Variants in WDR17 observed in about 807,000 individuals in gnomAD.
WDR17 encodes the protein WD repeat domain 17, also known as WD repeat-containing protein 17.
Under a neutral mutation model 161.7 loss-of-function variants are expected in WDR17, and 143 were observed. The observed-to-expected ratio is 0.88, with a 90% CI of 0.77 to 1.02. The LOEUF is 1.02. WDR17 is among the 50% of genes least tolerant of loss of function. WDR17 has a pLI of 0.00. For missense variants in WDR17, 1,469 were observed against 1,520.9 expected (o/e 0.97, Z 0.57); for synonymous variants, 517 against 515.6 (o/e 1.00, Z -0.04).
In WDR17 at chr4:176,142,048, G is replaced by T; in HGVS notation, c.1508G>T (p.Cys503Phe). 7 of 1,610,686 alleles carry T rather than the reference G, an allele frequency of 4.3e-6. No homozygotes were observed. Among genetic ancestry groups the T allele is most frequent in the Non-Finnish European group, 5.9e-6 (7 of 1,178,212 alleles). ...KYKHPAAVFGCDWSQNNKDMI... is the reference protein window; with the variant it reads ...KYKHPAAVFGFDWSQNNKDMI... ...AAACATCCAGCTGCAGTGTTTGGTT[G>T]TGATTGGAGCCAAAACAATAAGTAA... The change falls in exon 11 of 29, where the codon TGT becomes TTT. Residue 503 changes from cysteine to phenylalanine, a missense_variant. Cys to Phe is a radical substitution (Grantham distance 205, BLOSUM62 -2). Transcript: ENST00000508596.
intron 7 of WDR17, 51 bp downstream of exon 7, chr4:176,131,789 C>A: frequency 2.3e-6 from 3 of 1,319,640 alleles, no homozygotes; most frequent in Non-Finnish European, 3.0e-6. Flanking sequence ...TTGTGTAAAC[C>A]CATGATCTTT....
chr4:176,078,935 A>G (rs1734400474), intron 1 of WDR17, among the ~76,000 whole-genome samples: 1 of 152,050 alleles, frequency 6.6e-6, no homozygotes, highest in African/African-American at 2.4e-5. Flanking sequence ...ATCGTTAACT[A>G]TAGTCTTCCT....
intron 3 of WDR17, among the ~76,000 whole-genome samples, chr4:176,118,730 G>A (rs1741051257): frequency 6.6e-6 from 1 of 151,820 alleles, no homozygotes; most frequent in Non-Finnish European, 1.5e-5. Flanking sequence ...AAACCTTTCT[G>A]CATATCAAAA....
Position 176,156,124 on chromosome 4 carries a change from T to C in WDR17, c.2506T>C (p.Trp836Arg). The C allele has an allele frequency of 6.2e-7, 1 of 1,613,636 alleles. No individual in the cohort carries two copies. Among genetic ancestry groups the C allele is most frequent in the Non-Finnish European group, 8.5e-7 (1 of 1,179,738 alleles). The change falls in exon 18 of 29, where the codon TGG becomes CGG. Residue 836 changes from tryptophan to arginine, a missense_variant. Physicochemically the swap from Trp to Arg is moderately radical, Grantham distance 101. Coordinates refer to ENST00000508596, the MANE Select transcript of WDR17 (RefSeq NM_181265.4). Reference sequence around the variant, plus strand: ...TGCACCAGGAGTCTCTGTGAAATACTGGAAGAAGTTAATGCAGAGGTAAGG... The same window carrying C: ...TGCACCAGGAGTCTCTGTGAAATACCGGAAGAAGTTAATGCAGAGGTAAGG... The part of the protein sequence containing the change: ...SIAPGVSVKY[W>R]KKLMQRRADQ...
At chr4:176,138,401 G>A (rs1744740517) in intron 9 of WDR17, among the ~76,000 whole-genome samples, 1 of 151,704 alleles carries the variant, frequency 6.6e-6, no homozygotes, top group Admixed American at 6.6e-5. Context: ...TTGTAGTAGC[G>A]TAGCAAATGC....
intron 20 of WDR17, 52 bp downstream of exon 20, chr4:176,161,054 T>C (rs1272239528): frequency 6.7e-7 from 1 of 1,493,738 alleles, no homozygotes; most frequent in Non-Finnish European, 9.1e-7. Context: ...GTCTTCCCTT[T>C]AGGAATTTTT....
intron 18 of WDR17, among the ~76,000 whole-genome samples, chr4:176,157,571 C>T (rs1370600882): frequency 2.8e-5 from 4 of 144,558 alleles, no homozygotes; most frequent in Admixed American, 1.4e-4. Flanking sequence ...TTGCTCTCAC[C>T]GAATCCTTAA....
rs1469747969 is a variant in WDR17, at chr4:176,125,192, A to G, written c.627A>G (p.Pro209=). 6.2e-6 allele frequency: 10 copies of G among 1,614,084 alleles called. No individual in the cohort carries two copies. The highest frequency in any genetic ancestry group is 1.7e-5 in the Admixed American group (1 of 60,000). Residue 209 remains proline (P), a synonymous_variant, in exon 5 of 29, where the codon CCA becomes CCG. Coordinates refer to ENST00000508596, the MANE Select transcript of WDR17 (RefSeq NM_181265.4). ...CAGTTACGGCCTTGGAATGGGACCC[A>G]CTATCTACTGATTATCTTCTAGTGG... ...EDPVTALEWD[P]LSTDYLLVVN...
chr4:176,147,912 G>A (rs992923260), intron 12 of WDR17, among the ~76,000 whole-genome samples: 9 of 151,982 alleles, frequency 5.9e-5, no homozygotes, highest in Non-Finnish European at 7.4e-5. Flanking sequence ...TTGTTAATTA[G>A]CTTGATTTAA....
At chr4:176,091,879 A>C (rs1376551580) in intron 1 of WDR17, among the ~76,000 whole-genome samples, 1 of 152,182 alleles carries the variant, frequency 6.6e-6, no homozygotes, top group African/African-American at 2.4e-5. Flanking sequence ...AGGACACGCA[A>C]CCTACAAAGA....
chr4:176,085,549 G>A (rs754057122), intron 1 of WDR17, among the ~76,000 whole-genome samples: 11 of 152,048 alleles, frequency 7.2e-5, no homozygotes, highest in Non-Finnish European at 1.5e-4. Context: ...TCTTTTTGAA[G>A]AATGTGTCCA....
intron 4 of WDR17, among the ~76,000 whole-genome samples, chr4:176,124,729 T>A (rs1198183051): frequency 6.6e-6 from 1 of 152,240 alleles, no homozygotes; most frequent in East Asian, 1.9e-4. Flanking sequence ...TTTAAATCAC[T>A]ATATGATATT....
At chr4:176,145,291 A>C (rs746777072) in intron 11 of WDR17, among the ~76,000 whole-genome samples, 3 of 152,202 alleles carry the variant, frequency 2.0e-5, no homozygotes, top group Non-Finnish European at 4.4e-5. Context: ...AAGTTTGATC[A>C]TGAAGGTACA....
At chr4:176,163,727 G>C (rs1749383845) in intron 22 of WDR17, among the ~76,000 whole-genome samples, 1 of 152,090 alleles carries the variant, frequency 6.6e-6, no homozygotes, top group Non-Finnish European at 1.5e-5. Flanking sequence ...ACTTGAAACA[G>C]GACACCTCCC....
chr4:176,067,087 G>C (rs1732626187), intron 1 of WDR17, among the ~76,000 whole-genome samples: 1 of 152,180 alleles, frequency 6.6e-6, no homozygotes, highest in South Asian at 2.1e-4. Context: ...TGCTGGGCGG[G>C]TGGTGAAACA....
chr4:176,111,422 T>G, intron 1 of WDR17, 153 bp from the exon 2 acceptor site: 1 of 683,226 alleles, frequency 1.5e-6, no homozygotes, highest in Non-Finnish European at 2.2e-6. Context: ...GGAGTTCAAC[T>G]GCTGTTCTCT....
intron 1 of WDR17, among the ~76,000 whole-genome samples, chr4:176,075,197 CA>C (rs11300698): frequency 0.52 from 78,993 of 151,050 alleles, 22,012 homozygotes; most frequent in South Asian, 0.63. Context: ...TCTATTTTAA[CA>C]AAAAAAATTC....
intron 22 of WDR17, among the ~76,000 whole-genome samples, chr4:176,166,620 A>G (rs908981600): frequency 2.6e-5 from 4 of 152,180 alleles, no homozygotes; most frequent in African/African-American, 9.6e-5. Flanking sequence ...AAGAAAGTCA[A>G]ATTTTGTCTA....
At chr4:176,138,517 A>G (rs569138701) in intron 9 of WDR17, among the ~76,000 whole-genome samples, 2 of 151,866 alleles carry the variant, frequency 1.3e-5, no homozygotes, top group East Asian at 1.9e-4. Flanking sequence ...TTCTCTACAT[A>G]TAACACAATA....
Sources: gnomAD v4.1 joint callset for allele counts (sites outside exome capture counted in the v4.1 genomes callset) on GRCh38, gnomAD v4.1.1 for gene constraint, MANE v1.5 for transcripts, NCBI Gene and HGNC (gene_info 2026-07-23, HGNC 2026-07-21) for gene names.